KMO: variants seen among roughly 807,000 people sequenced by gnomAD.
KMO encodes kynurenine 3-monooxygenase, also known as kynurenine 3-hydroxylase.
In KMO, 24 loss-of-function variants were observed where a neutral mutation model predicts 57.8. The observed-to-expected ratio is 0.42, with a 90% CI of 0.30 to 0.58. The LOEUF (loss-of-function observed/expected upper bound fraction) is 0.58. Among genes scored for constraint, KMO ranks in the 20% least tolerant of loss-of-function variants. The probability of loss-of-function intolerance (pLI) is 0.22; values close to 1 mark genes in which losing one functional copy is unlikely to be tolerated. For missense variants in KMO, 483 were observed against 588.2 expected, an observed-to-expected ratio of 0.82 and a Z score of 1.85; for synonymous variants, 210 against 193.6, an observed-to-expected ratio of 1.08 and a Z score of -0.70.
intron 10 of KMO, among the ~76,000 whole-genome samples, chr1:241,576,106 C>A (rs1662506804): frequency 6.6e-6 from 1 of 151,168 alleles, no homozygotes; most frequent in Non-Finnish European, 1.5e-5. Flanking sequence ...TTTCCATTTG[C>A]ATGGAGTATC....
chr1:241,568,521 C>A lies in KMO; in HGVS notation c.831C>A (p.Phe277Leu), dbSNP rs767251872. The A allele has an allele frequency of 2.5e-6, 4 of 1,613,836 alleles. No homozygotes were observed. In the Admixed American group the frequency reaches 6.7e-5, roughly 27 times the overall value. The change falls in exon 10 of 15, where the codon TTC (phenylalanine) becomes TTA (leucine). Residue 277 changes from phenylalanine (F) to leucine (L), a missense_variant. Phe to Leu is a conservative substitution (Grantham distance 22, BLOSUM62 0). Around this residue, in one of 3 missense-constraint regions of KMO, gnomAD observed 410 missense variants for 492.3 expected, o/e 0.83. Coordinates refer to ENST00000366559, the MANE Select transcript of KMO (RefSeq NM_003679.5). Reference sequence around the variant, plus strand: ...GAAGGAAACTCCTAGTGCAAGATTTCTTCCTGTTGCCTGCCCAGCCCATGA... The same window carrying A: ...GAAGGAAACTCCTAGTGCAAGATTTATTCCTGTTGCCTGCCCAGCCCATGA... ...LIGEKLLVQD[F>L]FLLPAQPMIS...
intron 5 of KMO, among the ~76,000 whole-genome samples, chr1:241,556,891 T>A (rs1259022337): frequency 6.6e-6 from 1 of 150,446 alleles, no homozygotes; most frequent in Non-Finnish European, 1.5e-5. Flanking sequence ...TCAGTCCCAA[T>A]AAAATAATAA....
At chr1:241,549,214 A>AAAG (rs1558414764) in intron 2 of KMO, among the ~76,000 whole-genome samples, 11 of 6,062 alleles carry the variant, frequency 1.8e-3, no homozygotes, top group Non-Finnish European at 8.9e-3. Flanking sequence ...AGAAAGAAAG[A>AAAG]AAGAAAGAAA....
intron 9 of KMO, among the ~76,000 whole-genome samples, chr1:241,568,216 A>G (rs1186608533): frequency 6.6e-6 from 1 of 152,236 alleles, no homozygotes; most frequent in Admixed American, 6.5e-5. Flanking sequence ...CAGGTGCATG[A>G]TAACAAAGTT....
At chr1:241,566,369 C>T in intron 8 of KMO, 122 bp from the exon 9 acceptor site, 1 of 1,113,034 alleles carries the variant, frequency 9.0e-7, no homozygotes, top group Non-Finnish European at 1.3e-6. Context: ...TTCCTGTCTG[C>T]TTGGACATTC....
chr1:241,585,410 T>C (rs1662934820), intron 10 of KMO, among the ~76,000 whole-genome samples: 1 of 152,060 alleles, frequency 6.6e-6, no homozygotes, highest in African/African-American at 2.4e-5. Context: ...GACAAATAAA[T>C]CTGCTTGTTT....
chr1:241,590,801 G>A (rs895677572), intron 14 of KMO, among the ~76,000 whole-genome samples: 1 of 152,196 alleles, frequency 6.6e-6, no homozygotes, highest in Non-Finnish European at 1.5e-5. Context: ...AACATGACCA[G>A]TTCACACCTT....
chr1:241,585,220 C>G (rs1331417520), intron 10 of KMO, among the ~76,000 whole-genome samples: 2 of 123,758 alleles, frequency 1.6e-5, no homozygotes, highest in African/African-American at 6.3e-5. Context: ...CAGACCGAGA[C>G]TGCATTTCAA....
At chr1:241,538,116 G>A (rs1257813652) in intron 1 of KMO, among the ~76,000 whole-genome samples, 3 of 152,162 alleles carry the variant, frequency 2.0e-5, no homozygotes, top group Admixed American at 6.5e-5. Flanking sequence ...TAGGTGGTCT[G>A]AGCATGCATA....
At position 241,594,313 on chromosome 1, in the gene KMO, G is replaced by A; in HGVS notation, c.*2160G>A. ...TATGGGCAATTCGGATTTCCTGCTGGACCACAAGGTTCTGTTGATATTACA... is the reference window on the plus strand; with the variant it reads ...TATGGGCAATTCGGATTTCCTGCTGAACCACAAGGTTCTGTTGATATTACA... On this transcript the variant is annotated 3_prime_UTR_variant, in exon 15 of 15. Transcript: ENST00000366559. 2.5e-6 allele frequency: 3 copies of A among 1,185,732 alleles called. No homozygotes were observed. The South Asian group carries it at 4.6e-5, about 18-fold the overall frequency. 73.5% of individuals were successfully genotyped at this position (1,185,732 alleles called of 1,614,324 possible). A position where few individuals can be genotyped will look rare whatever the true frequency, so the allele number is the denominator to read the frequency against.
At chr1:241,559,382 T>C (rs1661753788) in intron 5 of KMO, among the ~76,000 whole-genome samples, 1 of 152,152 alleles carries the variant, frequency 6.6e-6, no homozygotes, top group South Asian at 2.1e-4. Context: ...ATCCCAGGAG[T>C]AACGTTCTAC....
intron 6 of KMO, among the ~76,000 whole-genome samples, chr1:241,561,149 A>T (rs2147959933): frequency 6.6e-6 from 1 of 152,180 alleles, no homozygotes; most frequent in African/African-American, 2.4e-5. Context: ...CACTCTTGCG[A>T]TATGCTATGG....
intron 1 of KMO, among the ~76,000 whole-genome samples, chr1:241,537,229 G>A (rs1005603284): frequency 6.6e-6 from 1 of 151,872 alleles, no homozygotes; most frequent in African/African-American, 2.4e-5. Context: ...ACACTTTCTC[G>A]CTCACAGATC....
At chr1:241,573,586 C>T (rs1023247200) in intron 10 of KMO, among the ~76,000 whole-genome samples, 1 of 152,048 alleles carries the variant, frequency 6.6e-6, no homozygotes. Context: ...GTTGGTTGTA[C>T]GTACTTGGCT....
At chr1:241,588,329 C>CTTTTTTT (rs57587351) in intron 11 of KMO, among the ~76,000 whole-genome samples, 1,910 of 98,102 alleles carry the variant, frequency 0.019, no homozygotes, top group Middle Eastern at 0.038. Flanking sequence ...TCTTTTTTTT[C>CTTTTTTT]TTTTTTTTTT....
At chr1:241,560,639 G>C (rs1321935369) in intron 5 of KMO, 26 bp from the exon 6 acceptor site, 1 of 1,496,288 alleles carries the variant, frequency 6.7e-7, no homozygotes, top group Admixed American at 1.7e-5. Flanking sequence ...TTTCATTTCT[G>C]TTTGCCTCTT....
intron 7 of KMO, among the ~76,000 whole-genome samples, chr1:241,563,438 G>T (rs1573921604): frequency 6.6e-6 from 1 of 152,296 alleles, no homozygotes; most frequent in East Asian, 1.9e-4. Context: ...GGATAGTGTT[G>T]TTAAATACTA....
chr1:241,546,902 A>C (rs1314068255), intron 1 of KMO, among the ~76,000 whole-genome samples: 1 of 152,214 alleles, frequency 6.6e-6, no homozygotes, highest in East Asian at 1.9e-4. Context: ...AGAAACTCCA[A>C]TATTTGTCCG....
rs372104026 is a variant in KMO, at chr1:241,580,297, T to G, written c.958-6382T>G. ...TATCTCTACATATCTCTACACCACA[T>G]TTTATCTTCCCAAGTGGGAGAGGCA... On this transcript the variant is annotated intron_variant, in intron 10 of 14. Coordinates refer to ENST00000366559, the MANE Select transcript of KMO (RefSeq NM_003679.5). Among the ~76,000 whole-genome samples the G allele has an allele frequency of 1.6e-4, 25 of 152,284 alleles. No individual in the cohort carries two copies. The East Asian group carries it at 3.5e-3, about 21-fold the overall frequency.
Sources: gnomAD v4.1 joint callset for allele counts (sites outside exome capture counted in the v4.1 genomes callset) on GRCh38, gnomAD v4.1.1 for gene constraint, gnomAD v4.1.1 regional missense constraint, MANE v1.5 for transcripts, NCBI Gene and HGNC (gene_info 2026-07-23, HGNC 2026-07-21) for gene names.